The following SEMA5A variants were observed in gnomAD, a reference collection of about 807,000 sequenced individuals.
SEMA5A encodes the protein semaphorin-5A.
SEMA5A carries 55 observed loss-of-function variants against 135.5 expected under a neutral mutation model. The ratio of observed to expected loss-of-function variants is 0.41; its 90% CI spans 0.33 to 0.51. The LOEUF is 0.51. SEMA5A is among the 20% of genes least tolerant of loss of function. The pLI is 0.37. For missense variants in SEMA5A, 1,290 were observed against 1,419.9 expected (o/e 0.91, Z 1.47); for synonymous variants, 580 against 546.5 (o/e 1.06, Z -0.85).
intron 1 of SEMA5A, among the ~76,000 whole-genome samples, chr5:9,452,320 G>A (rs396049): frequency 0.92 from 139,385 of 152,280 alleles, 63,930 homozygotes; most frequent in African/African-American, 0.96. Context: ...ACACATGGCT[G>A]TGAAGCAGTG....
intron 13 of SEMA5A, 81 bp downstream of exon 13, chr5:9,136,423 T>C (rs1017393683): frequency 1.7e-6 from 2 of 1,171,798 alleles, no homozygotes; most frequent in Non-Finnish European, 2.6e-6. Context: ...GCAGACAGCG[T>C]GACAGTGTGA....
At chr5:9,210,582 A>G (rs141268983) in intron 8 of SEMA5A, among the ~76,000 whole-genome samples, 118 of 152,306 alleles carry the variant, frequency 7.7e-4, no homozygotes, top group African/African-American at 2.7e-3. Flanking sequence ...GGCCATTTGT[A>G]ACGCTGGTAT....
At chr5:9,450,556 A>G (rs111978882) in intron 1 of SEMA5A, among the ~76,000 whole-genome samples, 2,041 of 152,184 alleles carry the variant, frequency 0.013, 39 homozygotes, top group African/African-American at 0.046. Context: ...AATGACCTGA[A>G]AGCATCTCCC....
intron 10 of SEMA5A, among the ~76,000 whole-genome samples, chr5:9,193,368 C>G (rs1367067620): frequency 6.6e-6 from 1 of 152,188 alleles, no homozygotes; most frequent in Non-Finnish European, 1.5e-5. Flanking sequence ...GCCCTACAAT[C>G]CACAACAGTT....
chr5:9,237,742 G>A (rs1475896687), intron 6 of SEMA5A, 86 bp downstream of exon 6: 2 of 1,227,020 alleles, frequency 1.6e-6, no homozygotes, highest in Non-Finnish European at 2.4e-6. Flanking sequence ...ACCGTAATCA[G>A]GAATACTCTT....
chr5:9,049,337 T>A (rs556150879), intron 21 of SEMA5A, among the ~76,000 whole-genome samples: 1 of 152,208 alleles, frequency 6.6e-6, no homozygotes, highest in East Asian at 1.9e-4. Flanking sequence ...ATTTTTACAT[T>A]TTTTGGTACA....
intron 5 of SEMA5A, among the ~76,000 whole-genome samples, chr5:9,241,152 C>T (rs1035636156): frequency 6.6e-6 from 1 of 152,008 alleles, no homozygotes; most frequent in African/African-American, 2.4e-5. Flanking sequence ...GTTTGAAACA[C>T]CTACATTTTA....
At chr5:9,361,344 A>G (rs542472836) in intron 3 of SEMA5A, among the ~76,000 whole-genome samples, 2 of 152,172 alleles carry the variant, frequency 1.3e-5, no homozygotes, top group East Asian at 3.9e-4. Context: ...CAAAAACTCA[A>G]TTCTATGCAG....
chr5:9,485,116 G>T (rs190813890), intron 1 of SEMA5A, among the ~76,000 whole-genome samples: 1 of 151,970 alleles, frequency 6.6e-6, no homozygotes, highest in African/African-American at 2.4e-5. Context: ...TTAACTAAGC[G>T]CCCTGTATTT....
Position 9,122,793 on chromosome 5 carries a change from C to A in SEMA5A, c.1644G>T (p.Pro548=), listed in dbSNP as rs779376909. ...CATCTGTGTGCGTGCAAGGCGTCCA[C>A]GGAGACCACACACCAAAGTGCCCAT... ...TVDGHFGVWS[P]WTPCTHTDGS... Residue 548 remains proline, a synonymous_variant, in exon 14 of 23, where the codon CCG becomes CCT. Coordinates refer to ENST00000382496, the MANE Select transcript of SEMA5A (RefSeq NM_003966.3). 1 of 1,612,054 alleles carries A rather than the reference C, an allele frequency of 6.2e-7. No homozygotes were observed. The highest frequency in any genetic ancestry group is 1.3e-5 in the African/African-American group (1 of 74,964).
intron 12 of SEMA5A, among the ~76,000 whole-genome samples, chr5:9,154,135 GTGTA>G (rs1190804413): frequency 1.4e-5 from 2 of 141,918 alleles, no homozygotes; most frequent in Non-Finnish European, 3.0e-5. Flanking sequence ...ATGTGTGTGT[GTGTA>G]TATATATATA....
intron 1 of SEMA5A, among the ~76,000 whole-genome samples, chr5:9,454,918 T>C (rs1215325292): frequency 1.3e-5 from 2 of 152,204 alleles, no homozygotes; most frequent in African/African-American, 4.8e-5. Context: ...ACATGTGTTC[T>C]CAGATTCAGA....
chr5:9,080,060 G>C (rs1452226776), intron 16 of SEMA5A, among the ~76,000 whole-genome samples: 1 of 152,064 alleles, frequency 6.6e-6, no homozygotes, highest in Non-Finnish European at 1.5e-5. Context: ...TATATCCAAA[G>C]GATTATAAGT....
chr5:9,515,652 A>G (rs1270674973), intron 1 of SEMA5A, among the ~76,000 whole-genome samples: 1 of 152,214 alleles, frequency 6.6e-6, no homozygotes, highest in Non-Finnish European at 1.5e-5. Flanking sequence ...AGGGTAATGC[A>G]GCTAACCTGA....
At chr5:9,058,073 G>A (rs943838819) in intron 18 of SEMA5A, among the ~76,000 whole-genome samples, 4 of 152,160 alleles carry the variant, frequency 2.6e-5, no homozygotes, top group African/African-American at 9.7e-5. Context: ...CACTGTGGAA[G>A]GCACAGCATG....
intron 7 of SEMA5A, 126 bp from the exon 8 acceptor site, chr5:9,225,013 G>T: frequency 1.3e-6 from 1 of 774,850 alleles, no homozygotes; most frequent in Non-Finnish European, 2.0e-6. Flanking sequence ...CATGGGGCAA[G>T]ATGACCAACT....
At chr5:9,123,724 A>C (rs187791687) in intron 13 of SEMA5A, among the ~76,000 whole-genome samples, 17 of 152,298 alleles carry the variant, frequency 1.1e-4, no homozygotes, top group African/African-American at 4.1e-4. Context: ...TCAATTCAGA[A>C]CATATTTAAA....
At chr5:9,384,621 TAG>T (rs1441010289) in intron 2 of SEMA5A, among the ~76,000 whole-genome samples, 4 of 41,040 alleles carry the variant, frequency 9.7e-5, no homozygotes, top group Non-Finnish European at 1.1e-4. Flanking sequence ...GATAGATACA[TAG>T]ATAGATAGAT....
At chr5:9,244,690 T>G (rs1166670805) in intron 5 of SEMA5A, among the ~76,000 whole-genome samples, 1 of 152,172 alleles carries the variant, frequency 6.6e-6, no homozygotes, top group East Asian at 1.9e-4. Flanking sequence ...GTTAAACAAA[T>G]TAACGGATGT....
Sources: allele counts gnomAD v4.1 joint callset (sites outside exome capture counted in the v4.1 genomes callset), GRCh38; gene constraint gnomAD v4.1.1; transcripts MANE v1.5; gene names NCBI Gene and HGNC (gene_info 2026-07-23, HGNC 2026-07-21).